The following UBE3C variants were observed in gnomAD, a reference collection of about 807,000 sequenced individuals.
UBE3C encodes ubiquitin protein ligase E3C.
UBE3C carries 42 observed loss-of-function variants against 129.4 expected under a neutral mutation model. The observed-to-expected ratio is 0.32, with a 90% CI of 0.25 to 0.42. UBE3C has a LOEUF of 0.42. Among genes scored for constraint, UBE3C ranks in the 10% least tolerant of loss-of-function variants. UBE3C has a pLI of 1.00. For synonymous variants in UBE3C, 510 were observed against 492.4 expected (o/e 1.04, Z -0.47); for missense variants, 1,049 against 1,319.1 (o/e 0.80, Z 3.17).
At chr7:157,139,986 A>G in intron 1 of UBE3C, 2 of 985,406 alleles carry the variant, frequency 2.0e-6, no homozygotes, top group Non-Finnish European at 2.4e-6. Context: ...CCGGACTTAC[A>G]TCTGTTGTGA....
intron 16 of UBE3C, among the ~76,000 whole-genome samples, chr7:157,224,607 T>G (rs1461963296): frequency 6.6e-6 from 1 of 152,256 alleles, no homozygotes; most frequent in African/African-American, 2.4e-5. Flanking sequence ...GTTTTGTTTT[T>G]ATTTGTCAAC....
intron 18 of UBE3C, among the ~76,000 whole-genome samples, chr7:157,238,705 A>C (rs1296992172): frequency 6.6e-6 from 1 of 152,126 alleles, no homozygotes; most frequent in Non-Finnish European, 1.5e-5. Flanking sequence ...CAGGGTCCTT[A>C]AGGTCATTAG....
intron 1 of UBE3C, among the ~76,000 whole-genome samples, chr7:157,161,764 T>A (rs948022167): frequency 3.9e-5 from 6 of 152,088 alleles, no homozygotes; most frequent in African/African-American, 1.4e-4. Flanking sequence ...TGGCTTTACA[T>A]TTTGGCAATT....
At chr7:157,192,231 C>A in intron 10 of UBE3C, 1 of 314,234 alleles carries the variant, frequency 3.2e-6, no homozygotes, top group Non-Finnish European at 6.1e-6. Flanking sequence ...TATGAGTACA[C>A]TTGGAAGAAG....
rs531485123 is a variant in UBE3C at position 157,231,261 on chromosome 7, T to A, written c.2415T>A (p.Ala805=). 3.1e-6 allele frequency: 5 copies of A among 1,614,202 alleles called. No homozygotes were observed. Among genetic ancestry groups the A allele is most frequent in the African/African-American group, 1.3e-5 (1 of 75,040 alleles). ...AAGGGCTTCTGTACCCCAACCCGGC[T>A]GCTCAGATGCTTGTGGGAGATTCTT... is the stretch of plus-strand genomic sequence containing the variant. ...TNEGLLYPNP[A]AQMLVGDSFA... Residue 805 remains alanine (A), a synonymous_variant, in exon 18 of 23, where the codon GCT becomes GCA. Transcript: ENST00000348165.
intron 21 of UBE3C, 166 bp from the exon 22 acceptor site, chr7:157,256,748 A>G (rs1352843124): frequency 1.4e-6 from 1 of 736,578 alleles, no homozygotes; most frequent in Non-Finnish European, 2.2e-6. Context: ...AGATCATGGA[A>G]GTGCACAGCA....
intron 10 of UBE3C, among the ~76,000 whole-genome samples, chr7:157,195,531 C>T (rs1481474034): frequency 6.6e-6 from 1 of 152,150 alleles, no homozygotes; most frequent in Non-Finnish European, 1.5e-5. Context: ...GTGCTGATGG[C>T]TCCTTTTTTC....
At chr7:157,245,776 C>T (rs1191755990) in intron 18 of UBE3C, among the ~76,000 whole-genome samples, 1 of 152,022 alleles carries the variant, frequency 6.6e-6, no homozygotes, top group East Asian at 1.9e-4. Context: ...CAGCATTCTT[C>T]AGTCAGGAGT....
intron 18 of UBE3C, among the ~76,000 whole-genome samples, chr7:157,233,491 G>T (rs1796076999): frequency 6.6e-6 from 1 of 152,048 alleles, no homozygotes; most frequent in African/African-American, 2.4e-5. Flanking sequence ...TGTTGCCCAG[G>T]CTGGTCTTGA....
At chr7:157,217,322 A>T (rs1795609499) in intron 14 of UBE3C, 3 of 155,920 alleles carry the variant, frequency 1.9e-5, no homozygotes, top group Non-Finnish European at 2.7e-5. Context: ...AATTTTTGTG[A>T]TTTTTTTTTT....
intron 4 of UBE3C, 147 bp from the exon 5 acceptor site, chr7:157,174,772 C>T (rs905491293): frequency 1.4e-4 from 81 of 585,160 alleles, no homozygotes; most frequent in Non-Finnish European, 1.8e-4. Flanking sequence ...TAAATAAAAC[C>T]GACTTAGAAT....
chr7:157,219,530 T>C (rs545398095), intron 14 of UBE3C, among the ~76,000 whole-genome samples: 96 of 152,312 alleles, frequency 6.3e-4, no homozygotes, highest in African/African-American at 2.2e-3. Flanking sequence ...GAAGTACATC[T>C]TTAACAACAC....
At chr7:157,239,892 C>T (rs908769537) in intron 18 of UBE3C, among the ~76,000 whole-genome samples, 4 of 152,186 alleles carry the variant, frequency 2.6e-5, no homozygotes, top group African/African-American at 9.7e-5. Flanking sequence ...CTCATTCTGA[C>T]TGCATCCCAC....
chr7:157,219,364 G>T (rs529204605), intron 14 of UBE3C, among the ~76,000 whole-genome samples: 8 of 152,316 alleles, frequency 5.3e-5, no homozygotes, highest in African/African-American at 1.9e-4. Context: ...ACCCACACTT[G>T]AAGTAGGTTT....
At chr7:157,157,916 GT>G (rs1807956732) in intron 1 of UBE3C, among the ~76,000 whole-genome samples, 1 of 151,744 alleles carries the variant, frequency 6.6e-6, no homozygotes, top group Admixed American at 6.6e-5. Flanking sequence ...GGAGGCGGAG[GT>G]TGCAGTGAGC....
intron 5 of UBE3C, among the ~76,000 whole-genome samples, chr7:157,175,327 G>T (rs1808490448): frequency 6.6e-6 from 1 of 151,968 alleles, no homozygotes; most frequent in Non-Finnish European, 1.5e-5. Context: ...GAGAATGGAA[G>T]GCCAGCCAAA....
rs1051219749 is a variant in UBE3C at position 157,216,754 on chromosome 7, G to A, written c.1810-113G>A. On this transcript the variant is annotated intron_variant, in intron 13 of 22. Transcript: ENST00000348165. ...TGTGAGCGGGTTTGGTGTCCGGCTC[G>A]ACCTGGGTTCCTGCACCACCGCTGT... 84 of 785,526 alleles carry A rather than the reference G, an allele frequency of 1.1e-4. 1 individual carries two copies. In the African/African-American group the frequency reaches 1.2e-3, roughly 11 times the overall value. The allele number at this position is 785,526 out of a possible 1,614,324, so 48.7% of individuals were successfully genotyped here. A position where few individuals can be genotyped will look rare whatever the true frequency, so the allele number is the denominator to read the frequency against.
intron 21 of UBE3C, 23 bp from the exon 22 acceptor site, chr7:157,256,891 A>C (rs118044655): frequency 3.7e-6 from 6 of 1,613,418 alleles, no homozygotes; most frequent in Non-Finnish European, 5.1e-6. Context: ...CATTTCATAA[A>C]GCATGTGTTC....
chr7:157,266,097 G>A (rs918694923), intron 22 of UBE3C, among the ~76,000 whole-genome samples: 1 of 152,052 alleles, frequency 6.6e-6, no homozygotes, highest in Non-Finnish European at 1.5e-5. Context: ...GGTGGATCAC[G>A]AGGTCAGGAG....
Sources: allele counts gnomAD v4.1 joint callset (sites outside exome capture counted in the v4.1 genomes callset), GRCh38; gene constraint gnomAD v4.1.1; transcripts MANE v1.5; gene names NCBI Gene and HGNC (gene_info 2026-07-23, HGNC 2026-07-21).